The following RSPO3 variants were observed in gnomAD, a reference collection of about 807,000 sequenced individuals.
The protein encoded by RSPO3 is R-spondin 3.
In RSPO3, 17 loss-of-function variants were observed where a neutral mutation model predicts 36.5. The observed-to-expected ratio is 0.47, with a 90% CI of 0.32 to 0.70. RSPO3 has a LOEUF of 0.70. Ranked by LOEUF, RSPO3 falls within the 30% of genes least tolerant of loss-of-function variation. RSPO3 has a pLI of 0.04. For synonymous variants in RSPO3, 108 were observed against 107.0 expected (o/e 1.01, Z -0.06); for missense variants, 294 against 322.5 (o/e 0.91, Z 0.68).
In RSPO3 at chr6:127,188,976, C is replaced by A. The variant is rs569560052; in HGVS notation, c.635-6847C>A. Among the ~76,000 whole-genome samples the A allele has an allele frequency of 2.6e-5, 4 of 152,148 alleles. No homozygotes were observed. The South Asian group carries it at 6.2e-4, about 24-fold the overall frequency. ...GGCAGAAGGGTGCTGTGGTTAGGAA[C>A]CCTCCTTATCCTCATCTGTAGAACA... is the stretch of plus-strand genomic sequence containing the variant. On this transcript the variant is annotated intron_variant, in intron 4 of 4. Coordinates refer to ENST00000356698, the MANE Select transcript of RSPO3 (RefSeq NM_032784.5).
Position 127,197,295 on chromosome 6 carries a change from C to T in RSPO3, c.*1288C>T. The T allele has an allele frequency of 8.8e-7, 1 of 1,133,436 alleles. No individual in the cohort carries two copies. Among genetic ancestry groups the T allele is most frequent in the Non-Finnish European group, 1.2e-6 (1 of 814,046 alleles). 70.2% of individuals were successfully genotyped at this position (1,133,436 alleles called of 1,614,324 possible). The stretch of plus-strand genomic sequence containing the variant: ...ACATTCTAATTATAGACACATGGGC[C>T]TCCCTAGCTGATTTCACTGCTCCCC... On this transcript the variant is annotated 3_prime_UTR_variant, in exon 5 of 5. Coordinates refer to ENST00000356698, the MANE Select transcript of RSPO3 (RefSeq NM_032784.5).
At chr6:127,193,071 TAAC>T (rs1287249422) in intron 4 of RSPO3, among the ~76,000 whole-genome samples, 3 of 152,146 alleles carry the variant, frequency 2.0e-5, no homozygotes, top group Non-Finnish European at 2.9e-5. Flanking sequence ...TGTAAAAAAA[TAAC>T]AACCTCATTC....
At chr6:127,178,354 G>A (rs1775097819) in intron 4 of RSPO3, among the ~76,000 whole-genome samples, 1 of 151,632 alleles carries the variant, frequency 6.6e-6, no homozygotes, top group Admixed American at 6.6e-5. Context: ...AAAAATAGAA[G>A]TCAGGTTAAA....
chr6:127,178,355 T>C (rs765721265), intron 4 of RSPO3, among the ~76,000 whole-genome samples: 6 of 151,660 alleles, frequency 4.0e-5, no homozygotes, highest in African/African-American at 1.2e-4. Context: ...AAAATAGAAG[T>C]CAGGTTAAAA....
chr6:127,152,696 C>T (rs62438474), intron 3 of RSPO3, among the ~76,000 whole-genome samples: 22,536 of 152,080 alleles, frequency 0.15, 2,215 homozygotes, highest in Non-Finnish European at 0.21. Flanking sequence ...TGATATAGAG[C>T]TGGGATGAAA....
chr6:127,155,813 T>G (rs1228376445), intron 4 of RSPO3, among the ~76,000 whole-genome samples: 2 of 151,914 alleles, frequency 1.3e-5, no homozygotes, highest in Non-Finnish European at 2.9e-5. Flanking sequence ...CATCAAACAT[T>G]CCTTTCCTCA....
At chr6:127,149,101 G>T (rs1302019001) in intron 2 of RSPO3, among the ~76,000 whole-genome samples, 1 of 152,030 alleles carries the variant, frequency 6.6e-6, no homozygotes, top group East Asian at 1.9e-4. Context: ...TGAACCTATA[G>T]AAAAGTACTG....
intron 1 of RSPO3, among the ~76,000 whole-genome samples, chr6:127,144,643 G>GTTTTTTTGTTTTTTTTTTTTTTTT (rs763226451): frequency 5.0e-5 from 5 of 99,130 alleles, no homozygotes; most frequent in Non-Finnish European, 5.9e-5. Flanking sequence ...GCTTCCCCTT[G>GTTTTTTTGTTTTTTTTTTTTTTTT]TTTTTTTTTT....
At chr6:127,129,832 A>G (rs1774016025) in intron 1 of RSPO3, among the ~76,000 whole-genome samples, 1 of 152,056 alleles carries the variant, frequency 6.6e-6, no homozygotes, top group South Asian at 2.1e-4. Flanking sequence ...GTAGATAAAG[A>G]ACTCAAAGAA....
At chr6:127,191,944 G>A (rs73771627) in intron 4 of RSPO3, among the ~76,000 whole-genome samples, 4 of 152,114 alleles carry the variant, frequency 2.6e-5, no homozygotes, top group African/African-American at 9.7e-5. Context: ...TCAAACCAAG[G>A]AAGTTGACTT....
chr6:127,193,359 G>T lies in RSPO3; in HGVS notation c.635-2464G>T, dbSNP rs144301073. On this transcript the variant is annotated intron_variant, in intron 4 of 4. Transcript: ENST00000356698. ...TATAAATCAATCTGTGACCAAGGAAGAAACAATACATTTCTTATGTGTCCA... is the reference window on the plus strand; with the variant it reads ...TATAAATCAATCTGTGACCAAGGAATAAACAATACATTTCTTATGTGTCCA... Among the ~76,000 whole-genome samples the T allele has an allele frequency of 1.4e-4, 21 of 152,322 alleles. No homozygotes were observed. In the East Asian group the frequency reaches 3.9e-3, roughly 28 times the overall value.
chr6:127,160,004 A>C (rs1415592212), intron 4 of RSPO3, among the ~76,000 whole-genome samples: 1 of 151,910 alleles, frequency 6.6e-6, no homozygotes, highest in Non-Finnish European at 1.5e-5. Flanking sequence ...TCCTCAGTGG[A>C]CAGGACTTCC....
At chr6:127,139,434 G>C (rs772998129) in intron 1 of RSPO3, among the ~76,000 whole-genome samples, 2 of 152,044 alleles carry the variant, frequency 1.3e-5, no homozygotes, top group Non-Finnish European at 2.9e-5. Context: ...TTTCATTCAA[G>C]AATGTGAAGT....
intron 4 of RSPO3, among the ~76,000 whole-genome samples, chr6:127,168,406 T>C (rs1246314273): frequency 3.8e-5 from 4 of 106,152 alleles, no homozygotes; most frequent in Non-Finnish European, 8.2e-5. Context: ...GTCTTCTTTT[T>C]AGAAGTGTCT....
chr6:127,185,147 T>G (rs1361283410), intron 4 of RSPO3, among the ~76,000 whole-genome samples: 4 of 152,072 alleles, frequency 2.6e-5, no homozygotes, highest in African/African-American at 9.6e-5. Context: ...AAATCAGTTG[T>G]ATTCCCCTCC....
intron 4 of RSPO3, among the ~76,000 whole-genome samples, chr6:127,182,131 T>C (rs1775201353): frequency 1.3e-5 from 2 of 151,748 alleles, no homozygotes; most frequent in South Asian, 4.2e-4. Flanking sequence ...AGCAGCTCTC[T>C]GGGAAACTCT....
chr6:127,122,259 G>GTA (rs1773860732), intron 1 of RSPO3, among the ~76,000 whole-genome samples: 1 of 152,096 alleles, frequency 6.6e-6, no homozygotes, highest in Non-Finnish European at 1.5e-5. Context: ...CAAGACCCTT[G>GTA]TACTTTAAAA....
In RSPO3 at chr6:127,190,209, A is replaced by G. The variant is rs80345557; in HGVS notation, c.635-5614A>G. 5.1e-3 allele frequency among the ~76,000 whole-genome samples: 781 copies of G among 152,236 alleles called. 6 individuals are homozygous for G. The highest frequency in any genetic ancestry group is 0.017 in the African/African-American group (724 of 41,552). ...GAGGCCAAGGCAAGCAAATCACCTG[A>G]TATCAGGAGTTCAAGACCAGCCTGA... On this transcript the variant is annotated intron_variant, in intron 4 of 4. Coordinates refer to ENST00000356698, the MANE Select transcript of RSPO3 (RefSeq NM_032784.5).
intron 3 of RSPO3, among the ~76,000 whole-genome samples, chr6:127,153,259 G>T (rs1369768987): frequency 6.6e-6 from 1 of 151,992 alleles, no homozygotes; most frequent in Non-Finnish European, 1.5e-5. Context: ...TCTTAACCAA[G>T]GAGTGCCTCA....
Sources: gnomAD v4.1 joint callset for allele counts (sites outside exome capture counted in the v4.1 genomes callset) on GRCh38, gnomAD v4.1.1 for gene constraint, MANE v1.5 for transcripts, NCBI Gene and HGNC (gene_info 2026-07-23, HGNC 2026-07-21) for gene names.